MDM4: variants seen among roughly 807,000 people sequenced by gnomAD.
MDM4 encodes the protein MDM4 regulator of p53.
Under a neutral mutation model 60.2 loss-of-function variants are expected in MDM4, and 2 were observed. That is an observed-to-expected ratio of 0.03 (90% CI 0.01 to 0.10). The LOEUF is 0.10. Ranked by LOEUF, MDM4 falls within the 10% of genes least tolerant of loss-of-function variation. The pLI is 1.00. For synonymous variants in MDM4, 202 were observed against 198.1 expected, an observed-to-expected ratio of 1.02 and a Z score of -0.17; for missense variants, 447 against 577.5, an observed-to-expected ratio of 0.77 and a Z score of 2.32.
Position 204,549,656 on chromosome 1 carries a change from C to A in MDM4, c.1447C>A (p.Leu483Met). Residue 483 changes from leucine to methionine, a missense_variant, in exon 11 of 11, where the codon CTG becomes ATG. This residue lies in a region of MDM4 where 26 missense variants were observed against 70.0 expected (regional missense o/e 0.37). Transcript: ENST00000367182. Reference protein sequence around the residue: ...SCPICKKEIQLVIKVFIA With the variant: ...SCPICKKEIQMVIKVFIA ...CCCTATTTGCAAGAAAGAGATTCAG[C>A]TGGTTATTAAGGTTTTTATAGCATA... The A allele has an allele frequency of 6.4e-7, 1 of 1,571,722 alleles. No individual in the cohort carries two copies. The highest frequency in any genetic ancestry group is 8.6e-7 in the Non-Finnish European group (1 of 1,164,492).
At chr1:204,529,615 A>C in intron 3 of MDM4, 1 of 1,178,952 alleles carries the variant, frequency 8.5e-7, no homozygotes, top group South Asian at 1.6e-5. Flanking sequence ...GGGGGGGTCC[A>C]AGGTAGTAGC....
chr1:204,524,591 A>T (rs1011209895), intron 1 of MDM4, among the ~76,000 whole-genome samples: 1 of 152,200 alleles, frequency 6.6e-6, no homozygotes, highest in Non-Finnish European at 1.5e-5. Flanking sequence ...AGCCTGACCA[A>T]CAGGGTGAAA....
At position 204,549,628 on chromosome 1, in the gene MDM4, A is replaced by G. The variant is rs764654911; in HGVS notation, c.1419A>G (p.Ser473=). The change falls in exon 11 of 11, where the codon TCA becomes TCG. Residue 473 remains serine (S), a synonymous_variant. Coordinates refer to ENST00000367182, the MANE Select transcript of MDM4 (RefSeq NM_002393.5). ...GAAGACTAAAGAAGGCTGGGGCTTC[A>G]TGCCCTATTTGCAAGAAAGAGATTC... ...CARRLKKAGA[S]CPICKKEIQL... is the part of the protein sequence containing the mutation. 4 of 1,592,092 alleles carry G rather than the reference A, an allele frequency of 2.5e-6. No homozygotes were observed. The highest frequency in any genetic ancestry group is 3.4e-6 in the Non-Finnish European group (4 of 1,174,156).
rs149240897 is a variant in MDM4, at chr1:204,535,573, G to A, written c.344-1857G>A. Among the ~76,000 whole-genome samples, 555 of 152,028 alleles carry A rather than the reference G, an allele frequency of 3.7e-3. 1 individual carries two copies. Among genetic ancestry groups the A allele is most frequent in the Middle Eastern group, 0.014 (4 of 292 alleles). On this transcript the variant is annotated intron_variant, in intron 5 of 10. Transcript: ENST00000367182. Reference sequence around the variant, plus strand: ...TTTTGAGACTGAGTCTCGCTTTGTCGACTAGGCTGGAGTGCAGTGGTGCGA... The same window carrying A: ...TTTTGAGACTGAGTCTCGCTTTGTCAACTAGGCTGGAGTGCAGTGGTGCGA...
At chr1:204,539,845 T>G (rs1661849158) in intron 7 of MDM4, among the ~76,000 whole-genome samples, 1 of 152,116 alleles carries the variant, frequency 6.6e-6, no homozygotes, top group Admixed American at 6.6e-5. Flanking sequence ...CTGAAAACTT[T>G]TTCACATGAC....
chr1:204,535,225 TTGGC>T (rs1363933600), intron 5 of MDM4, among the ~76,000 whole-genome samples: 1 of 151,610 alleles, frequency 6.6e-6, no homozygotes, highest in Non-Finnish European at 1.5e-5. Flanking sequence ...TGGCATGATT[TTGGC>T]TCACTGCAGC....
At chr1:204,549,061 T>G in intron 10 of MDM4, 52 bp from the exon 11 acceptor site, 1 of 1,126,152 alleles carries the variant, frequency 8.9e-7, no homozygotes, top group Non-Finnish European at 1.3e-6. Context: ...TTCCTTTTTC[T>G]CAGCATCATA....
At chr1:204,541,307 C>T (rs1436840632) in intron 7 of MDM4, among the ~76,000 whole-genome samples, 1 of 151,966 alleles carries the variant, frequency 6.6e-6, no homozygotes, top group East Asian at 1.9e-4. Context: ...AAAAATCAGC[C>T]CAGTAGAAAA....
intron 10 of MDM4, among the ~76,000 whole-genome samples, chr1:204,548,897 A>G (rs1662930373): frequency 6.6e-6 from 1 of 152,130 alleles, no homozygotes; most frequent in South Asian, 2.1e-4. Flanking sequence ...AGATAACTAT[A>G]TCAGATTTTG....
rs946432345 is a variant in MDM4 at position 204,520,692 on chromosome 1, A to G, written c.-36+4183A>G. ...AGAGTTTGAGACTAGCCTGGGCAAC[A>G]TAGCAAAATCCTGTCTCTACAAAAA... On this transcript the variant is annotated intron_variant, in intron 1 of 10. Transcript: ENST00000367182. Among the ~76,000 whole-genome samples the G allele has an allele frequency of 3.3e-5, 5 of 152,124 alleles. 1 individual carries two copies. Among genetic ancestry groups the G allele is most frequent in the Admixed American group, 2.0e-4 (3 of 15,258 alleles).
At chr1:204,545,364 G>A (rs1662556637) in intron 9 of MDM4, among the ~76,000 whole-genome samples, 1 of 152,156 alleles carries the variant, frequency 6.6e-6, no homozygotes, top group Non-Finnish European at 1.5e-5. Flanking sequence ...TACTCATGAA[G>A]TACTCATGTG....
chr1:204,540,178 G>A (rs1332196575), intron 7 of MDM4, among the ~76,000 whole-genome samples: 9 of 152,012 alleles, frequency 5.9e-5, no homozygotes, highest in Admixed American at 2.0e-4. Flanking sequence ...CCAGCTACCC[G>A]GGAGGCTGAG....
At chr1:204,526,458 A>ATTTTTTTTT in intron 3 of MDM4, 24 bp downstream of exon 3, 1 of 1,415,078 alleles carries the variant, frequency 7.1e-7, no homozygotes. Context: ...TAAAATTCTC[A>ATTTTTTTTT]TTTTTTTTGT....
chr1:204,527,991 C>T (rs576035196), intron 3 of MDM4, among the ~76,000 whole-genome samples: 2 of 150,592 alleles, frequency 1.3e-5, no homozygotes, highest in Non-Finnish European at 2.9e-5. Context: ...ATTACTTTTA[C>T]GATTTTAAAT....
At chr1:204,526,467 GTT>G (rs200388119) in intron 3 of MDM4, 33 bp downstream of exon 3, 33,613 of 1,182,344 alleles carry the variant, frequency 0.028, 240 homozygotes, top group Middle Eastern at 0.079. Flanking sequence ...CATTTTTTTT[GTT>G]TTTTTTTTTT....
At chr1:204,539,647 C>T (rs1183074848) in intron 7 of MDM4, among the ~76,000 whole-genome samples, 1 of 151,670 alleles carries the variant, frequency 6.6e-6, no homozygotes, top group Non-Finnish European at 1.5e-5. Context: ...AGCGATTCTC[C>T]TGCCTCAGCC....
At chr1:204,534,916 A>G (rs1472135903) in intron 5 of MDM4, among the ~76,000 whole-genome samples, 1 of 152,102 alleles carries the variant, frequency 6.6e-6, no homozygotes, top group Admixed American at 6.5e-5. Context: ...TTACATAATA[A>G]TAGTATGATG....
intron 6 of MDM4, chr1:204,537,765 G>T: frequency 1.7e-6 from 1 of 602,624 alleles, no homozygotes. Flanking sequence ...GTACCTGTGT[G>T]TGTGTGTTTG....
At chr1:204,537,559 G>T in intron 6 of MDM4, 62 bp downstream of exon 6, 1 of 1,177,944 alleles carries the variant, frequency 8.5e-7, no homozygotes, top group Non-Finnish European at 1.3e-6. Flanking sequence ...TGTACCTATG[G>T]ATCTTGGACT....
Sources: gnomAD v4.1 joint callset for allele counts (sites outside exome capture counted in the v4.1 genomes callset) on GRCh38, gnomAD v4.1.1 for gene constraint, gnomAD v4.1.1 regional missense constraint, MANE v1.5 for transcripts, NCBI Gene and HGNC (gene_info 2026-07-23, HGNC 2026-07-21) for gene names.